ATF7IP2: variants seen among roughly 807,000 people sequenced by gnomAD.
ATF7IP2 encodes the protein activating transcription factor 7-interacting protein 2.
Under a neutral mutation model 64.2 loss-of-function variants are expected in ATF7IP2, and 42 were observed. That is an observed-to-expected ratio of 0.65 (90% confidence interval 0.51 to 0.85). ATF7IP2 has a LOEUF of 0.85. Among genes scored for constraint, ATF7IP2 ranks in the 40% least tolerant of loss-of-function variants. The pLI, the probability that ATF7IP2 is intolerant of heterozygous loss-of-function variation, is 0.00. For synonymous variants in ATF7IP2, 308 were observed against 272.8 expected (o/e 1.13, Z -1.27); for missense variants, 933 against 784.2 (o/e 1.19, Z -2.27).
chr16:10,431,557 G>T, intron 5 of ATF7IP2, 102 bp downstream of exon 5: 1 of 726,304 alleles, frequency 1.4e-6, no homozygotes, highest in Non-Finnish European at 2.2e-6. Context: ...ACAGAAAAAA[G>T]GTAAATGATG....
At chr16:10,408,470 G>C (rs1364593685) in intron 1 of ATF7IP2, among the ~76,000 whole-genome samples, 3 of 152,102 alleles carry the variant, frequency 2.0e-5, no homozygotes, top group African/African-American at 7.2e-5. Flanking sequence ...GCATAGAAGT[G>C]TTCCATTTAC....
chr16:10,441,847 A>G (rs1006588279), intron 8 of ATF7IP2, among the ~76,000 whole-genome samples: 3 of 152,166 alleles, frequency 2.0e-5, no homozygotes, highest in East Asian at 1.9e-4. Context: ...GTTATTGCCT[A>G]TGTTAGAAAC....
At chr16:10,392,435 G>C (rs1401364074) in intron 1 of ATF7IP2, among the ~76,000 whole-genome samples, 1 of 151,596 alleles carries the variant, frequency 6.6e-6, no homozygotes, top group African/African-American at 2.4e-5. Flanking sequence ...TAGGATTACA[G>C]GTGTGAGCCA....
intron 8 of ATF7IP2, among the ~76,000 whole-genome samples, chr16:10,453,282 G>A (rs191820856): frequency 2.0e-5 from 3 of 152,296 alleles, no homozygotes; most frequent in Admixed American, 1.3e-4. Flanking sequence ...GCAGTATCTG[G>A]GCTGGAGTGT....
intron 7 of ATF7IP2, 80 bp from the exon 8 acceptor site, chr16:10,440,272 ACAAAACTACTTT>A: frequency 1.7e-6 from 1 of 591,324 alleles, no homozygotes; most frequent in South Asian, 3.0e-5. Flanking sequence ...TCTAGGTCTT[ACAAAACTACTTT>A]GGCAAATAAT....
intron 12 of ATF7IP2, among the ~76,000 whole-genome samples, chr16:10,478,193 C>T (rs1300518460): frequency 6.7e-6 from 1 of 149,314 alleles, no homozygotes; most frequent in Non-Finnish European, 1.5e-5. Flanking sequence ...CCCGCATCGC[C>T]AAGTCAATCC....
At chr16:10,475,724 A>AAAAAAAAAAAAAAAAAAAAAAAAG (rs2049982526) in intron 12 of ATF7IP2, among the ~76,000 whole-genome samples, 1 of 47,970 alleles carries the variant, frequency 2.1e-5, no homozygotes, top group Non-Finnish European at 5.1e-5. Flanking sequence ...AGAAGCCAGA[A>AAAAAAAAAAAAAAAAAAAAAAAAG]AAAAAAAAAA....
intron 10 of ATF7IP2, among the ~76,000 whole-genome samples, chr16:10,472,394 G>C (rs1484589693): frequency 6.6e-6 from 1 of 152,036 alleles, no homozygotes; most frequent in Non-Finnish European, 1.5e-5. Flanking sequence ...TGTTTTATCA[G>C]TTTAGGGCCT....
chr16:10,399,997 AT>A (rs1436420102), intron 1 of ATF7IP2, among the ~76,000 whole-genome samples: 1 of 152,030 alleles, frequency 6.6e-6, no homozygotes, highest in African/African-American at 2.4e-5. Context: ...TTTGATTGTT[AT>A]TGGTGTATAG....
chr16:10,482,525 G>C lies in ATF7IP2; in HGVS notation c.*276G>C. 1 of 235,412 alleles carries C rather than the reference G, an allele frequency of 4.2e-6. No homozygotes were observed. Among genetic ancestry groups the C allele is most frequent in the Non-Finnish European group, 8.1e-6 (1 of 122,856 alleles). The allele number at this position is 235,412 out of a possible 1,614,324, so 14.6% of individuals were successfully genotyped here. A position where few individuals can be genotyped will look rare whatever the true frequency, so the allele number is the denominator to read the frequency against. On this transcript the variant is annotated 3_prime_UTR_variant, in exon 14 of 14. Coordinates refer to ENST00000562102, the MANE Select transcript of ATF7IP2 (RefSeq NM_001393719.1). ...CAATACCTTTAGTGACTGTGGAACT[G>C]CTGCTTCTATCAGAAGACCTAGGAT...
intron 8 of ATF7IP2, among the ~76,000 whole-genome samples, chr16:10,442,325 T>G (rs933879870): frequency 6.6e-6 from 1 of 152,254 alleles, no homozygotes. Context: ...TTCAAACTTA[T>G]CTAACATGTC....
In ATF7IP2 at chr16:10,415,428, C is replaced by T. The variant is rs1004264391; in HGVS notation, c.-203+816C>T. ...GCTGGGAAAACTGGCTATTCACATACAGAAGAATGAAATTAGATCTGTTAT... is the reference window on the plus strand; with the variant it reads ...GCTGGGAAAACTGGCTATTCACATATAGAAGAATGAAATTAGATCTGTTAT... On this transcript the variant is annotated intron_variant, in intron 2 of 13. Transcript: ENST00000562102. Among the ~76,000 whole-genome samples the T allele has an allele frequency of 4.6e-5, 7 of 152,184 alleles. No homozygotes were observed. In the South Asian group the frequency reaches 1.4e-3, roughly 31 times the overall value.
intron 8 of ATF7IP2, among the ~76,000 whole-genome samples, chr16:10,451,578 A>G (rs1041749403): frequency 4.6e-5 from 7 of 151,710 alleles, no homozygotes; most frequent in African/African-American, 1.2e-4. Flanking sequence ...TTGATCTTCA[A>G]TCTCTGATAT....
intron 1 of ATF7IP2, among the ~76,000 whole-genome samples, chr16:10,394,805 T>C (rs530110940): frequency 9.8e-4 from 149 of 152,176 alleles, no homozygotes; most frequent in Middle Eastern, 3.4e-3. Context: ...TTGAGGTGAA[T>C]GAAAATGAAG....
chr16:10,391,428 A>G (rs2047320841), intron 1 of ATF7IP2, among the ~76,000 whole-genome samples: 1 of 152,206 alleles, frequency 6.6e-6, no homozygotes, highest in Non-Finnish European at 1.5e-5. Context: ...GTCAAATAAA[A>G]AAAGAAAAGG....
intron 4 of ATF7IP2, among the ~76,000 whole-genome samples, chr16:10,429,770 T>C (rs2048183588): frequency 6.8e-6 from 1 of 147,312 alleles, no homozygotes; most frequent in South Asian, 2.1e-4. Flanking sequence ...TATTTTATTT[T>C]ATTTTAATTT....
intron 3 of ATF7IP2, among the ~76,000 whole-genome samples, chr16:10,423,608 T>C (rs2048028720): frequency 6.6e-6 from 1 of 152,168 alleles, no homozygotes; most frequent in Non-Finnish European, 1.5e-5. Context: ...TGGAAAAAGA[T>C]CTGGAGGGTC....
chr16:10,442,202 C>A (rs1233589427), intron 8 of ATF7IP2, among the ~76,000 whole-genome samples: 1 of 152,198 alleles, frequency 6.6e-6, no homozygotes, highest in African/African-American at 2.4e-5. Flanking sequence ...GTGTAAAAGG[C>A]AGGAAAGGTT....
chr16:10,402,522 G>T (rs773909554), intron 1 of ATF7IP2, among the ~76,000 whole-genome samples: 6 of 152,204 alleles, frequency 3.9e-5, no homozygotes, highest in Non-Finnish European at 7.4e-5. Context: ...GAGTGCATTG[G>T]CATGATTTTT....
Sources: allele counts gnomAD v4.1 joint callset (sites outside exome capture counted in the v4.1 genomes callset), GRCh38; gene constraint gnomAD v4.1.1; transcripts MANE v1.5; gene names NCBI Gene and HGNC (gene_info 2026-07-23, HGNC 2026-07-21).